Variants in MAD1L1 observed in about 807,000 individuals in gnomAD.
MAD1L1 encodes the protein mitotic spindle assembly checkpoint protein MAD1.
Under a neutral mutation model 96.9 loss-of-function variants are expected in MAD1L1, and 95 were observed. The ratio of observed to expected loss-of-function variants is 0.98; its 90% CI spans 0.83 to 1.16. The LOEUF (loss-of-function observed/expected upper bound fraction) is 1.16. Among genes scored for constraint, MAD1L1 ranks in the 50% most tolerant of loss-of-function variants. The pLI is 0.00. For missense variants in MAD1L1, 1,007 were observed against 954.4 expected (o/e 1.06, Z -0.73); for synonymous variants, 473 against 396.6 (o/e 1.19, Z -2.29).
intron 12 of MAD1L1, among the ~76,000 whole-genome samples, chr7:2,032,764 T>C (rs566126745): frequency 1.7e-4 from 26 of 152,170 alleles, no homozygotes; most frequent in Non-Finnish European, 3.2e-4. Context: ...TCCTAGCAAG[T>C]GGTGAGGGGG....
At chr7:2,213,106 G>A in intron 10 of MAD1L1, 106 bp downstream of exon 10, 1 of 1,198,058 alleles carries the variant, frequency 8.3e-7, no homozygotes, top group Non-Finnish European at 1.2e-6. Context: ...ACCAGCCACA[G>A]AGATGCCTGG....
chr7:2,184,862 C>T (rs1423286075), intron 10 of MAD1L1, among the ~76,000 whole-genome samples: 1 of 151,736 alleles, frequency 6.6e-6, no homozygotes, highest in African/African-American at 2.4e-5. Context: ...ATTAGCCAGG[C>T]GTGATAGCGC....
chr7:2,092,243 C>T (rs966311505), intron 11 of MAD1L1, among the ~76,000 whole-genome samples: 3 of 152,212 alleles, frequency 2.0e-5, no homozygotes, highest in African/African-American at 7.2e-5. Flanking sequence ...AAGACAAATA[C>T]TCCTGAGCAT....
At chr7:2,046,455 C>T (rs1783925108) in intron 12 of MAD1L1, among the ~76,000 whole-genome samples, 1 of 151,970 alleles carries the variant, frequency 6.6e-6, no homozygotes, top group African/African-American at 2.4e-5. Flanking sequence ...GGGCACTGCC[C>T]ATGAAATGAT....
chr7:2,184,269 T>TA lies in MAD1L1; in HGVS notation c.986+28942dup, dbSNP rs999289723. 1.1e-3 allele frequency among the ~76,000 whole-genome samples: 156 copies of TA among 141,500 alleles called. 2 individuals are homozygous for TA. The highest frequency in any genetic ancestry group is 8.8e-3 in the South Asian group (39 of 4,432). The allele number at this position is 141,500 out of a possible 152,430, so 92.8% of individuals were successfully genotyped here. A position where few individuals can be genotyped will look rare whatever the true frequency, so the allele number is the denominator to read the frequency against. On this transcript the variant is annotated intron_variant, in intron 10 of 18. Transcript: ENST00000265854. ...TCTGTCTCAAATAAAAATTTTAAAA[T>TA]AAAAAAAAAAGAAAGGGCTCAACAT...
chr7:2,084,399 C>T (rs1785806760), intron 11 of MAD1L1, among the ~76,000 whole-genome samples: 1 of 152,210 alleles, frequency 6.6e-6, no homozygotes, highest in African/African-American at 2.4e-5. Context: ...TGCAAGGGGG[C>T]AGAGCATGCG....
intron 12 of MAD1L1, among the ~76,000 whole-genome samples, chr7:2,048,803 C>G (rs533887851): frequency 1.3e-5 from 2 of 152,238 alleles, no homozygotes; most frequent in Admixed American, 6.5e-5. Flanking sequence ...CTCCCCACTC[C>G]ACAGTGACTC....
chr7:2,109,053 A>G (rs1468743973), intron 11 of MAD1L1, among the ~76,000 whole-genome samples: 1 of 152,014 alleles, frequency 6.6e-6, no homozygotes, highest in Non-Finnish European at 1.5e-5. Context: ...GCCTCCCCGC[A>G]CCCGCTCTGC....
intron 12 of MAD1L1, among the ~76,000 whole-genome samples, chr7:2,060,196 A>T (rs549198896): frequency 7.0e-6 from 1 of 142,902 alleles, no homozygotes; most frequent in African/African-American, 2.7e-5. Flanking sequence ...CACCGATGCC[A>T]AGATACGCAG....
intron 10 of MAD1L1, among the ~76,000 whole-genome samples, chr7:2,211,919 G>A (rs1172349490): frequency 6.6e-6 from 1 of 152,244 alleles, no homozygotes; most frequent in African/African-American, 2.4e-5. Flanking sequence ...GAAGCGGGAA[G>A]CCTTGAAATC....
intron 18 of MAD1L1, among the ~76,000 whole-genome samples, chr7:1,871,846 A>C (rs994733322): frequency 6.6e-6 from 1 of 152,116 alleles, no homozygotes; most frequent in Non-Finnish European, 1.5e-5. Context: ...GGAGCCCCAG[A>C]GGAGATGTGG....
At chr7:2,140,331 A>G (rs1252161121) in intron 11 of MAD1L1, among the ~76,000 whole-genome samples, 1 of 152,182 alleles carries the variant, frequency 6.6e-6, no homozygotes, top group Non-Finnish European at 1.5e-5. Flanking sequence ...ATGTTCTTAC[A>G]CAGGACCCTC....
chr7:2,127,244 C>A (rs571608969), intron 11 of MAD1L1, among the ~76,000 whole-genome samples: 2 of 152,280 alleles, frequency 1.3e-5, no homozygotes, highest in Admixed American at 1.3e-4. Context: ...CCCTCCCCTA[C>A]TTATGACAAG....
chr7:1,997,384 C>G (rs1458321515), intron 14 of MAD1L1, among the ~76,000 whole-genome samples: 1 of 152,212 alleles, frequency 6.6e-6, no homozygotes. Context: ...CCTGAGGGTG[C>G]AGACCACCTA....
chr7:2,015,636 C>T (rs757812132), intron 12 of MAD1L1, among the ~76,000 whole-genome samples: 2 of 152,234 alleles, frequency 1.3e-5, no homozygotes, highest in East Asian at 1.9e-4. Flanking sequence ...GCCCCCGGAC[C>T]CTTCTGGTCT....
intron 17 of MAD1L1, among the ~76,000 whole-genome samples, chr7:1,923,111 T>C (rs954903329): frequency 1.3e-5 from 2 of 152,208 alleles, no homozygotes; most frequent in African/African-American, 4.8e-5. Flanking sequence ...AAGTGTTTGG[T>C]AGAATTCACC....
At chr7:1,997,372 G>T (rs1000246924) in intron 14 of MAD1L1, among the ~76,000 whole-genome samples, 1 of 152,206 alleles carries the variant, frequency 6.6e-6, no homozygotes, top group African/African-American at 2.4e-5. Context: ...CTCCACACAA[G>T]CCCTGAGGGT....
intron 7 of MAD1L1, among the ~76,000 whole-genome samples, chr7:2,217,489 G>C (rs1465108310): frequency 6.6e-6 from 1 of 152,228 alleles, no homozygotes; most frequent in Non-Finnish European, 1.5e-5. Flanking sequence ...GGCACGGCCA[G>C]AGCACAGGGT....
intron 16 of MAD1L1, among the ~76,000 whole-genome samples, chr7:1,940,768 A>G (rs1778915660): frequency 6.6e-6 from 1 of 152,178 alleles, no homozygotes; most frequent in Admixed American, 6.5e-5. Flanking sequence ...GTGTGTCCCA[A>G]AATATTCTTC....
Sources: allele counts gnomAD v4.1 joint callset (sites outside exome capture counted in the v4.1 genomes callset), GRCh38; gene constraint gnomAD v4.1.1; transcripts MANE v1.5; gene names NCBI Gene and HGNC (gene_info 2026-07-23, HGNC 2026-07-21).